Variants in ZNF106 observed in about 807,000 individuals in gnomAD.
The protein encoded by ZNF106 is zinc finger protein 106.
In ZNF106, 67 loss-of-function variants were observed where a neutral mutation model predicts 195.1. That is an observed-to-expected ratio of 0.34 (90% CI 0.28 to 0.42). The LOEUF (loss-of-function observed/expected upper bound fraction) is 0.42. Ranked by LOEUF, ZNF106 falls within the 10% of genes least tolerant of loss-of-function variation. The probability of loss-of-function intolerance (pLI) is 1.00; values close to 1 mark genes in which losing one functional copy is unlikely to be tolerated. For synonymous variants in ZNF106, 784 were observed against 818.6 expected (o/e 0.96, Z 0.72); for missense variants, 2,118 against 2,304.5 (o/e 0.92, Z 1.66).
chr15:42,431,033 G>A (rs2055031309), intron 14 of ZNF106, among the ~76,000 whole-genome samples: 1 of 151,970 alleles, frequency 6.6e-6, no homozygotes, highest in South Asian at 2.1e-4. Context: ...CAGTGCTTTA[G>A]CTGCATCCTA....
chr15:42,470,425 ACT>A (rs1471858484), intron 2 of ZNF106, among the ~76,000 whole-genome samples: 3 of 152,014 alleles, frequency 2.0e-5, no homozygotes, highest in African/African-American at 7.3e-5. Flanking sequence ...AAGTCATACC[ACT>A]CACTTAAAGC....
intron 3 of ZNF106, chr15:42,457,500 C>T: frequency 3.4e-6 from 4 of 1,162,504 alleles, no homozygotes; most frequent in Non-Finnish European, 4.3e-6. Context: ...GCAGAAGTTG[C>T]TCTGGAGCAC....
chr15:42,471,383 A>AC (rs1161699914), intron 2 of ZNF106, among the ~76,000 whole-genome samples: 2 of 152,210 alleles, frequency 1.3e-5, no homozygotes. Flanking sequence ...AGCAAATGAT[A>AC]AAGGCAGGTA....
chr15:42,449,797 C>T lies in ZNF106; in HGVS notation c.2475G>A (p.Lys825=). 1 of 1,613,954 alleles carries T rather than the reference C, an allele frequency of 6.2e-7. No homozygotes were observed. The change falls in exon 5 of 22, where the codon AAG becomes AAA. Residue 825 remains lysine, a synonymous_variant. Coordinates refer to ENST00000564754, the MANE Select transcript of ZNF106 (RefSeq NM_001366845.3). ...EQVIQQVTKK[K]QELGKGLPRF... ...TGGGTAAGCCTTTGCCCAGCTCTTG[C>T]TTTTTCTTGGTTACTTGCTGAATGA...
chr15:42,470,824 C>T (rs2141419220), intron 2 of ZNF106, among the ~76,000 whole-genome samples: 1 of 152,282 alleles, frequency 6.6e-6, no homozygotes, highest in East Asian at 1.9e-4. Flanking sequence ...GACTTATTGA[C>T]AATTTGTATA....
rs1384252818 is a variant in ZNF106, at chr15:42,450,381, C to G, written c.1891G>C (p.Gly631Arg). The change falls in exon 5 of 22, where the codon GGT (glycine) becomes CGT (arginine). Residue 631 changes from glycine (G) to arginine (R), a missense_variant. Physicochemically the swap from Gly to Arg is moderately radical, Grantham distance 125 (BLOSUM62 -2). Coordinates refer to ENST00000564754, the MANE Select transcript of ZNF106 (RefSeq NM_001366845.3). ...EKHGTKIGTLGSATTELLSGS... is the reference protein window; with the variant it reads ...EKHGTKIGTLRSATTELLSGS... ...GATAACAATTCTGTAGTTGCAGAAC[C>G]TAGGGTTCCAATTTTTGTTCCATGC... 46 of 1,614,156 alleles carry G rather than the reference C, an allele frequency of 2.8e-5. No homozygotes were observed. Among genetic ancestry groups the G allele is most frequent in the Non-Finnish European group, 3.9e-5 (46 of 1,180,004 alleles).
Position 42,438,618 on chromosome 15 carries a change from A to T in ZNF106, c.4594T>A (p.Ser1532Thr). 1 of 1,613,482 alleles carries T rather than the reference A, an allele frequency of 6.2e-7. No individual in the cohort carries two copies. Among genetic ancestry groups the T allele is most frequent in the Non-Finnish European group, 8.5e-7 (1 of 1,179,614 alleles). ...VISSIKGSKN[S>T]SEISSEPGDD... ...AAAACTGAACAGCAAATACCTGAAG[A>T]ATTCTTTGATCCTTTTATGGAGGAG... Residue 1532 changes from serine (S) to threonine (T), a missense_variant, in exon 12 of 22, where the codon TCT becomes ACT. Ser to Thr is a moderately conservative substitution (Grantham distance 58, BLOSUM62 1). Coordinates refer to ENST00000564754, the MANE Select transcript of ZNF106 (RefSeq NM_001366845.3).
chr15:42,427,193 G>C (rs2054891034), intron 15 of ZNF106, among the ~76,000 whole-genome samples: 2 of 152,114 alleles, frequency 1.3e-5, no homozygotes, highest in African/African-American at 4.8e-5. Flanking sequence ...TTTCATGTCA[G>C]CTTCCACTAC....
intron 16 of ZNF106, 47 bp downstream of exon 16, chr15:42,424,787 C>T: frequency 6.3e-7 from 1 of 1,577,954 alleles, no homozygotes; most frequent in Non-Finnish European, 8.6e-7. Flanking sequence ...GCCTCAAAAC[C>T]CTTCTATTTG....
chr15:42,475,764 G>A (rs2056772236), intron 1 of ZNF106, among the ~76,000 whole-genome samples: 1 of 152,152 alleles, frequency 6.6e-6, no homozygotes, highest in Non-Finnish European at 1.5e-5. Context: ...CTAAGGGTTG[G>A]AGAAATTGGT....
In ZNF106 at chr15:42,425,090, A is replaced by G. The variant is rs1054795334; in HGVS notation, c.4999-65T>C. ...CTGGAAAATTCAACTAACCAACATC[A>G]TTACCTTGGTACAAACTCATTTCTG... On this transcript the variant is annotated intron_variant, in intron 15 of 21. Coordinates refer to ENST00000564754, the MANE Select transcript of ZNF106 (RefSeq NM_001366845.3). 1.5e-5 allele frequency: 22 copies of G among 1,500,548 alleles called. No homozygotes were observed. In the African/African-American group the frequency reaches 2.1e-4, roughly 14 times the overall value. The allele number at this position is 1,500,548 out of a possible 1,614,324, so 93.0% of individuals were successfully genotyped here. A position where few individuals can be genotyped will look rare whatever the true frequency, so the allele number is the denominator to read the frequency against.
Position 42,417,253 on chromosome 15 carries a change from A to C in ZNF106, c.*51T>G. 1 of 1,600,278 alleles carries C rather than the reference A, an allele frequency of 6.2e-7. No individual in the cohort carries two copies. Among genetic ancestry groups the C allele is most frequent in the Non-Finnish European group, 8.6e-7 (1 of 1,167,636 alleles). ...AAGAGAGTGGCCTGTGTGGGGGGCC[A>C]ATGTGAAAATAGTTCAACTAATGAC... On this transcript the variant is annotated 3_prime_UTR_variant, in exon 22 of 22. Transcript: ENST00000564754.
At chr15:42,464,062 C>T (rs899173218) in intron 3 of ZNF106, among the ~76,000 whole-genome samples, 11 of 148,348 alleles carry the variant, frequency 7.4e-5, no homozygotes, top group African/African-American at 2.7e-4. Flanking sequence ...TAACTACTGG[C>T]TAGGCATGGT....
At chr15:42,420,453 T>C (rs982580282) in intron 20 of ZNF106, among the ~76,000 whole-genome samples, 1 of 152,112 alleles carries the variant, frequency 6.6e-6, no homozygotes, top group Non-Finnish European at 1.5e-5. Context: ...GATAGTAATA[T>C]GTAAAGAGCT....
In ZNF106 at chr15:42,450,284, G is replaced by A. The variant is rs771807995; in HGVS notation, c.1988C>T (p.Thr663Ile). ...RILKTSRELS[T>I]SPCNPIVRQK... ...GCGAACTATGGGATTACATGGGGAA[G>A]TGGATAGCTCTCTAGAAGTCTTCAG... Residue 663 changes from threonine (T) to isoleucine (I), a missense_variant, in exon 5 of 22, where the codon ACT becomes ATT. By Grantham distance (89) the Thr-to-Ile change is moderately conservative. Transcript: ENST00000564754. 5.6e-6 allele frequency: 9 copies of A among 1,614,208 alleles called. No homozygotes were observed. Among genetic ancestry groups the A allele is most frequent in the Non-Finnish European group, 7.6e-6 (9 of 1,180,036 alleles).
At chr15:42,433,475 CT>C (rs1314760144) in intron 14 of ZNF106, among the ~76,000 whole-genome samples, 7 of 123,278 alleles carry the variant, frequency 5.7e-5, no homozygotes, top group South Asian at 2.7e-4. Flanking sequence ...TTGCATTGTT[CT>C]TTTTTTTTTC....
chr15:42,426,948 C>A (rs2054882588), intron 15 of ZNF106, among the ~76,000 whole-genome samples: 1 of 152,158 alleles, frequency 6.6e-6, no homozygotes, highest in African/African-American at 2.4e-5. Flanking sequence ...AAATTCTTCT[C>A]ACTTGATCTT....
At chr15:42,454,115 T>C (rs2056146130) in intron 4 of ZNF106, among the ~76,000 whole-genome samples, 3 of 152,220 alleles carry the variant, frequency 2.0e-5, no homozygotes, top group African/African-American at 7.2e-5. Context: ...TTAAACTCAA[T>C]ACTGACTTTA....
At position 42,442,284 on chromosome 15, in the gene ZNF106, C is replaced by A. The variant is rs113590627; in HGVS notation, c.3552G>T (p.Glu1184Asp). 24 of 1,613,984 alleles carry A rather than the reference C, an allele frequency of 1.5e-5. No individual in the cohort carries two copies. In the African/African-American group the frequency reaches 2.3e-4, roughly 15 times the overall value. ...ATGGAGACACATGGGAAGATGGAGG[C>A]TCCAGAAAAAGTGGGAAAAAGGGAG... ...LPTPFFPLFL[E>D]PPSSHVSPSP... Residue 1184 changes from glutamate to aspartate, a missense_variant, in exon 10 of 22, where the codon GAG (glutamate) becomes GAT (aspartate). By Grantham distance (45) the Glu-to-Asp change is conservative (BLOSUM62 2). Transcript: ENST00000564754.
Sources: allele counts gnomAD v4.1 joint callset (sites outside exome capture counted in the v4.1 genomes callset), GRCh38; gene constraint gnomAD v4.1.1; transcripts MANE v1.5; gene names NCBI Gene and HGNC (gene_info 2026-07-23, HGNC 2026-07-21).